The following ANKS1B variants were observed in gnomAD, a reference collection of about 807,000 sequenced individuals.
ANKS1B encodes the protein ankyrin repeat and sterile alpha motif domain-containing protein 1B.
In ANKS1B, 36 loss-of-function variants were observed where a neutral mutation model predicts 148.3. The ratio of observed to expected loss-of-function variants is 0.24; its 90% confidence interval spans 0.19 to 0.32. The LOEUF is 0.32. Ranked by LOEUF, ANKS1B falls within the 10% of genes least tolerant of loss-of-function variation. ANKS1B has a pLI of 1.00. For synonymous variants in ANKS1B, 542 were observed against 560.8 expected, an observed-to-expected ratio of 0.97 and a Z score of 0.47; for missense variants, 1,157 against 1,542.6, an observed-to-expected ratio of 0.75 and a Z score of 4.19.
At chr12:98,991,388 G>A (rs1288728691) in intron 17 of ANKS1B, among the ~76,000 whole-genome samples, 1 of 152,058 alleles carries the variant, frequency 6.6e-6, no homozygotes, top group Non-Finnish European at 1.5e-5. Flanking sequence ...GGCTCTTTTT[G>A]TTCCCAGTGA....
chr12:98,936,896 G>A (rs935165776), intron 17 of ANKS1B, among the ~76,000 whole-genome samples: 1 of 152,194 alleles, frequency 6.6e-6, no homozygotes. Context: ...TAACTCAGTG[G>A]AGATGATGTG....
chr12:98,767,717 TGGAGAA>T (rs1333620852), intron 25 of ANKS1B, among the ~76,000 whole-genome samples: 1 of 152,248 alleles, frequency 6.6e-6, no homozygotes, highest in Non-Finnish European at 1.5e-5. Context: ...GATACTCCCA[TGGAGAA>T]TGCATCAAAA....
intron 14 of ANKS1B, among the ~76,000 whole-genome samples, chr12:99,196,242 C>A (rs2153890532): frequency 6.6e-6 from 1 of 152,262 alleles, no homozygotes; most frequent in African/African-American, 2.4e-5. Context: ...CTGTAGTCTC[C>A]AACAGTTCAA....
intron 17 of ANKS1B, among the ~76,000 whole-genome samples, chr12:99,049,794 T>C (rs1169514911): frequency 6.6e-6 from 1 of 152,236 alleles, no homozygotes; most frequent in African/African-American, 2.4e-5. Context: ...TATTGCTACC[T>C]TAGCAATCTT....
At chr12:98,840,201 C>T (rs1416083381) in intron 17 of ANKS1B, among the ~76,000 whole-genome samples, 6 of 152,172 alleles carry the variant, frequency 3.9e-5, no homozygotes, top group Non-Finnish European at 5.9e-5. Flanking sequence ...AGCTTTGGCA[C>T]CTTAATTCCT....
intron 1 of ANKS1B, among the ~76,000 whole-genome samples, chr12:99,856,435 A>C (rs528965843): frequency 9.7e-4 from 148 of 152,080 alleles, no homozygotes; most frequent in African/African-American, 3.5e-3. Context: ...ACCAAAAAAA[A>C]AGTCCAGGAC....
At chr12:99,689,702 A>G (rs1310002879) in intron 8 of ANKS1B, among the ~76,000 whole-genome samples, 1 of 152,202 alleles carries the variant, frequency 6.6e-6, no homozygotes, top group Non-Finnish European at 1.5e-5. Flanking sequence ...GCACTGAGAC[A>G]GCCATGTGGC....
At chr12:99,942,453 C>T (rs1042796418) in intron 1 of ANKS1B, among the ~76,000 whole-genome samples, 4 of 152,046 alleles carry the variant, frequency 2.6e-5, no homozygotes, top group Non-Finnish European at 2.9e-5. Flanking sequence ...CTGGAACAAA[C>T]TGCTCTCTTG....
chr12:99,917,593 C>A (rs1450663960), intron 1 of ANKS1B, among the ~76,000 whole-genome samples: 3 of 152,192 alleles, frequency 2.0e-5, no homozygotes, highest in Non-Finnish European at 4.4e-5. Flanking sequence ...GAAGGCACAG[C>A]AATTCATCCT....
At chr12:99,780,504 G>A (rs923258097) in intron 5 of ANKS1B, among the ~76,000 whole-genome samples, 28 of 151,524 alleles carry the variant, frequency 1.8e-4, no homozygotes, top group African/African-American at 3.6e-4. Context: ...GGATGGTCTC[G>A]ATATCCTGAC....
At chr12:99,563,278 T>A (rs1257513606) in intron 9 of ANKS1B, among the ~76,000 whole-genome samples, 1 of 152,246 alleles carries the variant, frequency 6.6e-6, no homozygotes, top group African/African-American at 2.4e-5. Flanking sequence ...ATAAGATGCC[T>A]AGCTTTGGCC....
intron 19 of ANKS1B, among the ~76,000 whole-genome samples, chr12:98,828,025 T>C (rs2099264466): frequency 6.6e-6 from 1 of 152,136 alleles, no homozygotes; most frequent in Non-Finnish European, 1.5e-5. Context: ...TAAAAGACAA[T>C]ACCTAGCAAC....
chr12:99,195,971 C>T (rs967818450), intron 14 of ANKS1B, among the ~76,000 whole-genome samples: 8 of 151,920 alleles, frequency 5.3e-5, no homozygotes, highest in African/African-American at 1.4e-4. Flanking sequence ...ATTCACCATC[C>T]ACATATAATG....
chr12:98,843,860 C>T (rs1044992635), intron 17 of ANKS1B, among the ~76,000 whole-genome samples: 1 of 152,110 alleles, frequency 6.6e-6, no homozygotes, highest in East Asian at 1.9e-4. Context: ...AATGAAACAT[C>T]CCTCAAAATT....
chr12:99,614,121 G>A (rs11109944), intron 9 of ANKS1B, among the ~76,000 whole-genome samples: 8,420 of 150,994 alleles, frequency 0.056, 425 homozygotes, highest in East Asian at 0.24. Flanking sequence ...TTCTGCTTTC[G>A]AGGCAAAACA....
rs184361849 is a variant in ANKS1B at position 99,734,700 on chromosome 12, G to A, written c.1128+38222C>T. ...CACTGTTAAACTTCTTGACAAAGTA[G>A]GTGCTGTATCAGCTATCTTTACTTT... On this transcript the variant is annotated intron_variant, in intron 8 of 26. Coordinates refer to ENST00000683438, the MANE Select transcript of ANKS1B (RefSeq NM_001352186.2). 1.3e-3 allele frequency among the ~76,000 whole-genome samples: 199 copies of A among 152,244 alleles called. 2 individuals are homozygous for A. The highest frequency in any genetic ancestry group is 4.7e-3 in the African/African-American group (195 of 41,538).
intron 9 of ANKS1B, among the ~76,000 whole-genome samples, chr12:99,538,195 C>T: frequency 6.6e-6 from 1 of 151,934 alleles, no homozygotes; most frequent in East Asian, 1.9e-4. Flanking sequence ...TAATGTGATT[C>T]CTCCAGTTTT....
At chr12:99,484,274 G>GTTAT (rs1197102494) in intron 10 of ANKS1B, among the ~76,000 whole-genome samples, 1 of 151,916 alleles carries the variant, frequency 6.6e-6, no homozygotes, top group African/African-American at 2.4e-5. Flanking sequence ...TGAGGAGCAG[G>GTTAT]TTATTTAATT....
At chr12:99,693,803 T>A (rs917056018) in intron 8 of ANKS1B, among the ~76,000 whole-genome samples, 1 of 143,898 alleles carries the variant, frequency 6.9e-6, no homozygotes, top group African/African-American at 2.6e-5. Context: ...TTTTTTGAGA[T>A]GGAATCTCGC....
Sources: allele counts gnomAD v4.1 joint callset (sites outside exome capture counted in the v4.1 genomes callset), GRCh38; gene constraint gnomAD v4.1.1; transcripts MANE v1.5; gene names NCBI Gene and HGNC (gene_info 2026-07-23, HGNC 2026-07-21).